Variants in SPATA17 observed in about 807,000 individuals in gnomAD.
SPATA17 encodes the protein spermatogenesis associated 17, also known as spermatogenesis-associated protein 17.
SPATA17 carries 53 observed loss-of-function variants against 62.2 expected under a neutral mutation model. The observed-to-expected ratio is 0.85, with a 90% CI of 0.68 to 1.07. The LOEUF is 1.07. Ranked by LOEUF, SPATA17 falls within the 50% of genes least tolerant of loss-of-function variation. SPATA17 has a pLI of 0.00. For missense variants in SPATA17, 466 were observed against 425.5 expected, an observed-to-expected ratio of 1.10 and a Z score of -0.84; for synonymous variants, 146 against 146.8, an observed-to-expected ratio of 0.99 and a Z score of 0.04.
intron 5 of SPATA17, among the ~76,000 whole-genome samples, chr1:217,735,797 T>C (rs1672498892): frequency 6.6e-6 from 1 of 152,068 alleles, no homozygotes; most frequent in Non-Finnish European, 1.5e-5. Flanking sequence ...AGTATTATAG[T>C]TTGAAATGAA....
rs144030144 is a variant in SPATA17 at position 217,861,645 on chromosome 1, A to G, written c.1006-1129A>G. On this transcript the variant is annotated intron_variant, in intron 9 of 10. Coordinates refer to ENST00000366933, the MANE Select transcript of SPATA17 (RefSeq NM_138796.4). ...AAAGAAGGCAAGAATATAGATGCTC[A>G]GCCCCACAGGAAAATGATATTTCAT... Among the ~76,000 whole-genome samples the G allele has an allele frequency of 1.4e-4, 22 of 152,322 alleles. No homozygotes were observed. The East Asian group carries it at 4.1e-3, about 28-fold the overall frequency.
At chr1:217,725,820 T>G (rs1335592084) in intron 5 of SPATA17, among the ~76,000 whole-genome samples, 1 of 152,190 alleles carries the variant, frequency 6.6e-6, no homozygotes, top group Non-Finnish European at 1.5e-5. Flanking sequence ...AAAGTTGTAT[T>G]TTCATAATTT....
intron 9 of SPATA17, among the ~76,000 whole-genome samples, chr1:217,816,464 T>C (rs1405304919): frequency 3.3e-5 from 5 of 151,790 alleles, no homozygotes; most frequent in Non-Finnish European, 7.4e-5. Context: ...CACATATTTA[T>C]ATATTCAACC....
intron 7 of SPATA17, among the ~76,000 whole-genome samples, chr1:217,779,290 CA>C (rs1291921275): frequency 6.6e-6 from 1 of 151,430 alleles, no homozygotes; most frequent in East Asian, 1.9e-4. Context: ...TATATACACA[CA>C]TATACTCCTG....
intron 9 of SPATA17, among the ~76,000 whole-genome samples, chr1:217,825,656 T>C (rs546657693): frequency 1.3e-5 from 2 of 152,170 alleles, no homozygotes; most frequent in East Asian, 1.9e-4. Flanking sequence ...AAAAGTATTA[T>C]TGGATTTTAG....
intron 9 of SPATA17, among the ~76,000 whole-genome samples, chr1:217,862,139 C>T (rs926924075): frequency 1.3e-5 from 2 of 151,448 alleles, no homozygotes; most frequent in East Asian, 1.9e-4. Context: ...AAACATACAC[C>T]TTTATATAGT....
chr1:217,845,812 G>A (rs2103008968), intron 9 of SPATA17, among the ~76,000 whole-genome samples: 1 of 152,134 alleles, frequency 6.6e-6, no homozygotes, highest in East Asian at 1.9e-4. Flanking sequence ...GATCTCTGGT[G>A]GAGATAATTA....
chr1:217,749,985 C>CTCTCTCTCTCTCTATATATATA, intron 6 of SPATA17, among the ~76,000 whole-genome samples: 11 of 12,310 alleles, frequency 8.9e-4, no homozygotes, highest in Admixed American at 9.7e-4. Flanking sequence ...CTCTCTCTCT[C>CTCTCTCTCTCTCTATATATATA]TATATATATA....
At chr1:217,676,213 C>T (rs1333865611) in intron 4 of SPATA17, among the ~76,000 whole-genome samples, 1 of 152,122 alleles carries the variant, frequency 6.6e-6, no homozygotes, top group East Asian at 1.9e-4. Context: ...TTCCTATTGC[C>T]AGCATCAGGA....
At chr1:217,744,903 T>C (rs141454944) in intron 6 of SPATA17, among the ~76,000 whole-genome samples, 453 of 152,304 alleles carry the variant, frequency 3.0e-3, no homozygotes, top group Middle Eastern at 6.8e-3. Flanking sequence ...ATGTAATGTA[T>C]TTAAAGCAGT....
intron 9 of SPATA17, among the ~76,000 whole-genome samples, chr1:217,810,521 C>G (rs1674561499): frequency 6.6e-6 from 1 of 151,822 alleles, no homozygotes; most frequent in Non-Finnish European, 1.5e-5. Flanking sequence ...ACTTGGGGGG[C>G]TGAGGCAGAA....
chr1:217,744,525 C>T (rs937279011), intron 6 of SPATA17, among the ~76,000 whole-genome samples: 1 of 150,054 alleles, frequency 6.7e-6, no homozygotes, highest in Non-Finnish European at 1.5e-5. Context: ...GAATCATAGA[C>T]CTTAATGGAT....
chr1:217,733,548 A>T (rs1571766321), intron 5 of SPATA17, among the ~76,000 whole-genome samples: 1 of 152,312 alleles, frequency 6.6e-6, no homozygotes, highest in East Asian at 1.9e-4. Context: ...CTACATTCTG[A>T]TAAATTATCA....
chr1:217,704,094 G>T (rs776681697), intron 5 of SPATA17, among the ~76,000 whole-genome samples: 1 of 148,316 alleles, frequency 6.7e-6, no homozygotes, highest in South Asian at 2.1e-4. Context: ...TAGGTTCAGG[G>T]TACATGTGCA....
chr1:217,712,993 G>T (rs2102927995), intron 5 of SPATA17, among the ~76,000 whole-genome samples: 1 of 152,202 alleles, frequency 6.6e-6, no homozygotes, highest in Admixed American at 6.5e-5. Flanking sequence ...GAGGTGTTTG[G>T]CACCACTGGA....
chr1:217,678,132 AT>A (rs1405757490), intron 4 of SPATA17, among the ~76,000 whole-genome samples: 1 of 150,794 alleles, frequency 6.6e-6, no homozygotes, highest in African/African-American at 2.4e-5. Flanking sequence ...TCTCATATAC[AT>A]TTAGAGCATG....
intron 5 of SPATA17, among the ~76,000 whole-genome samples, chr1:217,689,515 C>T (rs547633902): frequency 1.1e-4 from 17 of 152,104 alleles, no homozygotes; most frequent in Non-Finnish European, 1.5e-5. Context: ...TGTGAGCCAC[C>T]ACACGATGTC....
chr1:217,646,693 A>G (rs999514336), intron 1 of SPATA17, among the ~76,000 whole-genome samples: 3 of 152,000 alleles, frequency 2.0e-5, no homozygotes, highest in Non-Finnish European at 4.4e-5. Flanking sequence ...TCAGGAGTTC[A>G]AGACCAGCCT....
At chr1:217,662,545 C>T (rs1558556634) in intron 3 of SPATA17, among the ~76,000 whole-genome samples, 3 of 151,916 alleles carry the variant, frequency 2.0e-5, no homozygotes, top group African/African-American at 4.8e-5. Context: ...CATGGCTTAC[C>T]ATTATAACAC....
Sources: allele counts gnomAD v4.1 joint callset (sites outside exome capture counted in the v4.1 genomes callset), GRCh38; gene constraint gnomAD v4.1.1; transcripts MANE v1.5; gene names NCBI Gene and HGNC (gene_info 2026-07-23, HGNC 2026-07-21).